The following CDKAL1 variants were observed in gnomAD, a reference collection of about 807,000 sequenced individuals.
CDKAL1 encodes the protein threonylcarbamoyladenosine tRNA methylthiotransferase.
A neutral mutation model predicts 68.2 loss-of-function variants in CDKAL1; 32 were observed. The ratio of observed to expected loss-of-function variants is 0.47; its 90% CI spans 0.35 to 0.63. The LOEUF is 0.63. Among genes scored for constraint, CDKAL1 ranks in the 30% least tolerant of loss-of-function variants. CDKAL1 has a pLI of 0.00. For missense variants in CDKAL1, 606 were observed against 696.7 expected (o/e 0.87, Z 1.47); for synonymous variants, 234 against 244.3 (o/e 0.96, Z 0.39).
intron 9 of CDKAL1, among the ~76,000 whole-genome samples, chr6:20,869,723 G>A (rs777881994): frequency 2.6e-5 from 4 of 152,064 alleles, no homozygotes; most frequent in Non-Finnish European, 5.9e-5. Context: ...AAGATTTCTA[G>A]CATAATATTA....
chr6:20,942,858 G>A (rs1250602794), intron 9 of CDKAL1, among the ~76,000 whole-genome samples: 1 of 149,166 alleles, frequency 6.7e-6, no homozygotes, highest in African/African-American at 2.4e-5. Flanking sequence ...GGGAGGCTGA[G>A]GCAGGAGAAT....
In CDKAL1 at chr6:20,846,295, T is replaced by C. The variant is rs1277897216; in HGVS notation, c.742+117T>C. Reference sequence around the variant, plus strand: ...TTAGTTTTCTGAAGAGTTTTACAAATATACGAACTTAATTAATAAAAGATG... The same window carrying C: ...TTAGTTTTCTGAAGAGTTTTACAAACATACGAACTTAATTAATAAAAGATG... On this transcript the variant is annotated intron_variant, in intron 9 of 15. Coordinates refer to ENST00000274695, the MANE Select transcript of CDKAL1 (RefSeq NM_017774.3). The C allele has an allele frequency of 8.1e-6, 5 of 620,326 alleles. No individual in the cohort carries two copies. The Admixed American group carries it at 1.6e-4, about 20-fold the overall frequency. The allele number at this position is 620,326 out of a possible 1,614,324, so 38.4% of individuals were successfully genotyped here.
intron 5 of CDKAL1, among the ~76,000 whole-genome samples, chr6:20,654,772 G>A (rs1312674226): frequency 2.6e-5 from 4 of 152,098 alleles, no homozygotes; most frequent in Non-Finnish European, 5.9e-5. Flanking sequence ...GTCCATAGAT[G>A]TTTGAATCTG....
chr6:20,612,246 T>C (rs1265551331), intron 4 of CDKAL1, among the ~76,000 whole-genome samples: 1 of 152,232 alleles, frequency 6.6e-6, no homozygotes, highest in Admixed American at 6.5e-5. Context: ...AAACTGATTT[T>C]TTTTTCCTTT....
At chr6:21,192,083 G>A (rs1384511368) in intron 13 of CDKAL1, among the ~76,000 whole-genome samples, 15 of 116,996 alleles carry the variant, frequency 1.3e-4, no homozygotes, top group African/African-American at 4.0e-4. Flanking sequence ...CTGCAGTGGC[G>A]CAATCTCGGC....
intron 12 of CDKAL1, among the ~76,000 whole-genome samples, chr6:21,098,257 A>G (rs746686985): frequency 5.8e-4 from 88 of 152,234 alleles, no homozygotes; most frequent in Admixed American, 4.0e-3. Context: ...TTGAATATCT[A>G]CTTACAGAGG....
chr6:21,188,806 T>A (rs2151094618), intron 13 of CDKAL1, among the ~76,000 whole-genome samples: 1 of 152,168 alleles, frequency 6.6e-6, no homozygotes, highest in East Asian at 1.9e-4. Flanking sequence ...TATATGTTCT[T>A]ACCACAATTT....
At chr6:21,060,466 T>C (rs1350538497) in intron 11 of CDKAL1, among the ~76,000 whole-genome samples, 2 of 152,184 alleles carry the variant, frequency 1.3e-5, no homozygotes, top group African/African-American at 4.8e-5. Flanking sequence ...ACTAATTGTA[T>C]TGACTTTTTT....
At chr6:21,088,186 T>A (rs188042299) in intron 12 of CDKAL1, among the ~76,000 whole-genome samples, 1 of 152,212 alleles carries the variant, frequency 6.6e-6, no homozygotes, top group East Asian at 1.9e-4. Flanking sequence ...TGACTATACT[T>A]CATATAAACC....
chr6:21,148,511 C>T (rs9368280), intron 13 of CDKAL1, among the ~76,000 whole-genome samples: 11,273 of 152,206 alleles, frequency 0.074, 571 homozygotes, highest in East Asian at 0.26. Context: ...ATTTGTTTCT[C>T]AGTGTTGTGT....
At chr6:20,983,467 T>C (rs1312570428) in intron 10 of CDKAL1, among the ~76,000 whole-genome samples, 2 of 152,206 alleles carry the variant, frequency 1.3e-5, no homozygotes, top group Non-Finnish European at 2.9e-5. Context: ...ACGCCTGTGG[T>C]CCCAGCACTT....
At chr6:20,699,995 A>G (rs1034754032) in intron 5 of CDKAL1, among the ~76,000 whole-genome samples, 1 of 151,900 alleles carries the variant, frequency 6.6e-6, no homozygotes, top group Admixed American at 6.5e-5. Flanking sequence ...CATATTAAAA[A>G]TGTACCCATC....
intron 4 of CDKAL1, among the ~76,000 whole-genome samples, chr6:20,603,794 T>TTTTTTTTTTTTTTTTTG (rs70990051): frequency 7.4e-6 from 1 of 134,406 alleles, no homozygotes; most frequent in African/African-American, 3.1e-5. Context: ...TTTTTTTTTT[T>TTTTTTTTTTTTTTTTTG]GAGACGGAGT....
chr6:21,179,483 AG>A (rs2151084612), intron 13 of CDKAL1, among the ~76,000 whole-genome samples: 1 of 152,222 alleles, frequency 6.6e-6, no homozygotes, highest in African/African-American at 2.4e-5. Flanking sequence ...TGCTATTGGG[AG>A]GGTGTATTTT....
intron 4 of CDKAL1, among the ~76,000 whole-genome samples, chr6:20,634,295 T>G (rs1163687713): frequency 6.6e-6 from 1 of 152,234 alleles, no homozygotes; most frequent in East Asian, 1.9e-4. Flanking sequence ...TGGATACAAT[T>G]GAATTTTTTG....
intron 5 of CDKAL1, among the ~76,000 whole-genome samples, chr6:20,655,464 C>A (rs1397443209): frequency 2.0e-5 from 3 of 152,198 alleles, no homozygotes; most frequent in Admixed American, 6.5e-5. Flanking sequence ...GTGTACTCGT[C>A]TGTGGCCTGT....
At chr6:20,959,570 A>G (rs1187889473) in intron 10 of CDKAL1, among the ~76,000 whole-genome samples, 2 of 147,848 alleles carry the variant, frequency 1.4e-5, no homozygotes, top group South Asian at 2.1e-4. Context: ...TTACCATTTC[A>G]TACTCCTGAA....
chr6:20,842,253 C>CT (rs1304000226), intron 8 of CDKAL1, among the ~76,000 whole-genome samples: 2 of 152,198 alleles, frequency 1.3e-5, no homozygotes, highest in East Asian at 1.9e-4. Flanking sequence ...CACTGCATGG[C>CT]TTTTTTCTGT....
At chr6:20,657,743 A>G (rs1470521462) in intron 5 of CDKAL1, among the ~76,000 whole-genome samples, 3 of 152,196 alleles carry the variant, frequency 2.0e-5, no homozygotes, top group African/African-American at 2.4e-5. Context: ...CAGTGTTTGT[A>G]TTATTGATAT....
Sources: gnomAD v4.1 joint callset for allele counts (sites outside exome capture counted in the v4.1 genomes callset) on GRCh38, gnomAD v4.1.1 for gene constraint, MANE v1.5 for transcripts, NCBI Gene and HGNC (gene_info 2026-07-23, HGNC 2026-07-21) for gene names.